Variants in RSRC1 observed in about 807,000 individuals in gnomAD.
RSRC1 encodes the protein arginine and serine rich coiled-coil 1, also known as serine/Arginine-related protein 53.
In RSRC1, 39 loss-of-function variants were observed where a neutral mutation model predicts 49.1. That is an observed-to-expected ratio of 0.79 (90% CI 0.61 to 1.04). RSRC1 has a LOEUF of 1.04. Ranked by LOEUF, RSRC1 falls within the 50% of genes least tolerant of loss-of-function variation. The probability of loss-of-function intolerance (pLI) is 0.00; values close to 1 mark genes in which losing one functional copy is unlikely to be tolerated. For synonymous variants in RSRC1, 143 were observed against 130.8 expected, an observed-to-expected ratio of 1.09 and a Z score of -0.63; for missense variants, 388 against 402.4, an observed-to-expected ratio of 0.96 and a Z score of 0.31.
chr3:158,462,275 T>C (rs1737655020), intron 7 of RSRC1, among the ~76,000 whole-genome samples: 1 of 151,960 alleles, frequency 6.6e-6, no homozygotes, highest in South Asian at 2.1e-4. Context: ...GTTATCCTTA[T>C]AATGTGCCCA....
intron 7 of RSRC1, among the ~76,000 whole-genome samples, chr3:158,470,351 C>T (rs1039057794): frequency 8.6e-5 from 10 of 116,834 alleles, no homozygotes; most frequent in Admixed American, 2.6e-4. Flanking sequence ...CACACACACA[C>T]ACACACACAC....
intron 7 of RSRC1, among the ~76,000 whole-genome samples, chr3:158,533,945 T>A (rs1483574729): frequency 6.6e-6 from 1 of 151,728 alleles, no homozygotes; most frequent in Non-Finnish European, 1.5e-5. Context: ...GCTCAATTAG[T>A]ACATTGCATA....
At chr3:158,519,263 G>A (rs537488242) in intron 7 of RSRC1, among the ~76,000 whole-genome samples, 70 of 151,856 alleles carry the variant, frequency 4.6e-4, no homozygotes, top group African/African-American at 1.5e-3. Flanking sequence ...TTTCTTGCCC[G>A]GACTTCTGTA....
At chr3:158,274,731 A>G (rs1163776343) in intron 4 of RSRC1, among the ~76,000 whole-genome samples, 1 of 152,198 alleles carries the variant, frequency 6.6e-6, no homozygotes, top group Non-Finnish European at 1.5e-5. Flanking sequence ...ATGTGGTGGT[A>G]TACTTTCACT....
At chr3:158,316,300 T>C (rs73168720) in intron 5 of RSRC1, among the ~76,000 whole-genome samples, 21,014 of 152,272 alleles carry the variant, frequency 0.14, 1,587 homozygotes, top group Middle Eastern at 0.21. Flanking sequence ...GAATGTCAGC[T>C]TAAAATACCA....
chr3:158,184,563 A>G (rs1410017395), intron 3 of RSRC1, among the ~76,000 whole-genome samples: 2 of 152,176 alleles, frequency 1.3e-5, no homozygotes. Context: ...GACATAAACA[A>G]TTTAGAACTT....
chr3:158,382,292 C>G (rs1732745182), intron 6 of RSRC1, among the ~76,000 whole-genome samples: 2 of 152,104 alleles, frequency 1.3e-5, no homozygotes, highest in Non-Finnish European at 2.9e-5. Context: ...CTGCCTGAGG[C>G]TGTTTTACAG....
chr3:158,241,921 C>T (rs955541772), intron 4 of RSRC1, among the ~76,000 whole-genome samples: 6 of 149,288 alleles, frequency 4.0e-5, no homozygotes, highest in Non-Finnish European at 8.9e-5. Context: ...TTAAAATATA[C>T]AATTTAGTGA....
chr3:158,198,098 G>A, intron 3 of RSRC1, among the ~76,000 whole-genome samples: 1 of 152,056 alleles, frequency 6.6e-6, no homozygotes, highest in Non-Finnish European at 1.5e-5. Flanking sequence ...GGGTGTTAAA[G>A]TCTCCCATTA....
chr3:158,458,535 C>T (rs1299186214), intron 6 of RSRC1, among the ~76,000 whole-genome samples: 2 of 152,080 alleles, frequency 1.3e-5, no homozygotes, highest in African/African-American at 4.8e-5. Context: ...TTCTTGGCGT[C>T]CAGGGTGGGT....
intron 3 of RSRC1, among the ~76,000 whole-genome samples, chr3:158,182,752 C>T (rs950151294): frequency 1.3e-5 from 2 of 152,092 alleles, no homozygotes; most frequent in African/African-American, 4.8e-5. Flanking sequence ...TGTTCTGATA[C>T]GTTTTAAATA....
At chr3:158,446,239 A>G (rs1442328764) in intron 6 of RSRC1, among the ~76,000 whole-genome samples, 3 of 151,796 alleles carry the variant, frequency 2.0e-5, no homozygotes, top group Non-Finnish European at 2.9e-5. Flanking sequence ...TCTTCATTTT[A>G]TTATTTAATT....
chr3:158,509,900 T>A (rs901605464), intron 7 of RSRC1, among the ~76,000 whole-genome samples: 1 of 152,198 alleles, frequency 6.6e-6, no homozygotes, highest in Non-Finnish European at 1.5e-5. Flanking sequence ...CTTATACCTC[T>A]CTCCTGGTAC....
At chr3:158,307,152 G>A (rs1294401728) in intron 5 of RSRC1, among the ~76,000 whole-genome samples, 2 of 151,032 alleles carry the variant, frequency 1.3e-5, no homozygotes, top group East Asian at 3.9e-4. Flanking sequence ...TTTTTTTACT[G>A]AGCACATATG....
intron 3 of RSRC1, among the ~76,000 whole-genome samples, chr3:158,129,432 AG>A (rs1362320122): frequency 2.0e-5 from 3 of 151,580 alleles, no homozygotes; most frequent in Admixed American, 6.6e-5. Flanking sequence ...CTGGGATTAC[AG>A]GTGCCCACCA....
intron 4 of RSRC1, among the ~76,000 whole-genome samples, chr3:158,239,749 T>G (rs1287025028): frequency 6.6e-6 from 1 of 152,180 alleles, no homozygotes; most frequent in Non-Finnish European, 1.5e-5. Flanking sequence ...CTTTTCATTA[T>G]AGGGTACTGG....
chr3:158,477,822 A>ATATATATATATATATATC (rs1411204915), intron 7 of RSRC1, among the ~76,000 whole-genome samples: 1 of 134,588 alleles, frequency 7.4e-6, no homozygotes, highest in African/African-American at 2.7e-5. Flanking sequence ...ATATATATAT[A>ATATATATATATATATATC]TATATGAAAG....
chr3:158,396,401 T>C (rs1733614671), intron 6 of RSRC1, among the ~76,000 whole-genome samples: 1 of 151,922 alleles, frequency 6.6e-6, no homozygotes, highest in African/African-American at 2.4e-5. Context: ...TGTTTTTTTT[T>C]TTTTTAATGA....
intron 6 of RSRC1, among the ~76,000 whole-genome samples, chr3:158,454,747 C>T (rs1264476530): frequency 6.6e-6 from 1 of 152,082 alleles, no homozygotes; most frequent in African/African-American, 2.4e-5. Context: ...GATTGGTTTA[C>T]CTCAACTGCC....
Sources: allele counts gnomAD v4.1 joint callset (sites outside exome capture counted in the v4.1 genomes callset), GRCh38; gene constraint gnomAD v4.1.1; transcripts MANE v1.5; gene names NCBI Gene and HGNC (gene_info 2026-07-23, HGNC 2026-07-21).